PCSK6: variants seen among roughly 807,000 people sequenced by gnomAD.
PCSK6 encodes proprotein convertase subtilisin/kexin type 6, also known as paired basic amino acid cleaving enzyme 4.
Under a neutral mutation model 123.3 loss-of-function variants are expected in PCSK6, and 85 were observed. That is an observed-to-expected ratio of 0.69 (90% CI 0.58 to 0.83). The LOEUF is 0.83. PCSK6 is among the 40% of genes least tolerant of loss of function. The pLI is 0.00. For missense variants in PCSK6, 1,191 were observed against 1,282.3 expected (o/e 0.93, Z 1.09); for synonymous variants, 508 against 516.0 (o/e 0.98, Z 0.21).
chr15:101,378,590 G>A (rs2141492270), intron 11 of PCSK6, among the ~76,000 whole-genome samples: 1 of 152,350 alleles, frequency 6.6e-6, no homozygotes, highest in South Asian at 2.1e-4. Flanking sequence ...GTAAACACCA[G>A]GCAGTAAAGA....
intron 6 of PCSK6, among the ~76,000 whole-genome samples, chr15:101,407,543 A>AG (rs935620171): frequency 3.9e-5 from 6 of 152,276 alleles, no homozygotes; most frequent in Admixed American, 3.9e-4. Context: ...CTCACACACC[A>AG]GGTCACTACT....
At chr15:101,368,070 C>T (rs1244060953) in intron 12 of PCSK6, among the ~76,000 whole-genome samples, 1 of 152,212 alleles carries the variant, frequency 6.6e-6, no homozygotes, top group African/African-American at 2.4e-5. Context: ...CCCACCTTGG[C>T]CCCTCAAAGT....
chr15:101,470,749 C>T (rs372554755), intron 1 of PCSK6, among the ~76,000 whole-genome samples: 1 of 152,162 alleles, frequency 6.6e-6, no homozygotes, highest in African/African-American at 2.4e-5. Context: ...GGAGTCTGAC[C>T]GCTGTGTCTT....
At chr15:101,458,694 A>G (rs1377352668) in intron 1 of PCSK6, among the ~76,000 whole-genome samples, 1 of 151,688 alleles carries the variant, frequency 6.6e-6, no homozygotes, top group Non-Finnish European at 1.5e-5. Flanking sequence ...CCTTCCGAAG[A>G]CTCCCACTCT....
intron 11 of PCSK6, among the ~76,000 whole-genome samples, chr15:101,370,789 A>G (rs1363499459): frequency 2.0e-5 from 3 of 152,218 alleles, no homozygotes; most frequent in Non-Finnish European, 2.9e-5. Flanking sequence ...CACGCCTCTG[A>G]TCCCAGCTCT....
intron 1 of PCSK6, among the ~76,000 whole-genome samples, chr15:101,456,759 G>A (rs2057194322): frequency 6.6e-6 from 1 of 152,220 alleles, no homozygotes; most frequent in South Asian, 2.1e-4. Context: ...TTCGAGGCAA[G>A]ATGGAGCCGG....
intron 13 of PCSK6, chr15:101,346,585 T>G (rs2040735506): frequency 2.7e-6 from 1 of 366,786 alleles, no homozygotes; most frequent in Non-Finnish European, 4.8e-6. Context: ...TCAAACACAC[T>G]TATCTATTCT....
At chr15:101,432,492 G>C (rs563747440) in intron 2 of PCSK6, among the ~76,000 whole-genome samples, 3 of 150,438 alleles carry the variant, frequency 2.0e-5, no homozygotes, top group African/African-American at 7.4e-5. Flanking sequence ...AGCTGGGCAT[G>C]ATGGCGCATG....
At chr15:101,463,503 C>T (rs2057385402) in intron 1 of PCSK6, among the ~76,000 whole-genome samples, 1 of 152,208 alleles carries the variant, frequency 6.6e-6, no homozygotes, top group African/African-American at 2.4e-5. Context: ...TAGTGACCTT[C>T]CTCAAAGTGC....
At chr15:101,344,630 C>T (rs1280743230) in intron 13 of PCSK6, among the ~76,000 whole-genome samples, 1 of 152,110 alleles carries the variant, frequency 6.6e-6, no homozygotes, top group African/African-American at 2.4e-5. Context: ...ATGAAATATA[C>T]CTGGCACTAC....
chr15:101,446,169 C>A (rs1019569133), intron 1 of PCSK6, among the ~76,000 whole-genome samples: 7 of 152,248 alleles, frequency 4.6e-5, no homozygotes, highest in Non-Finnish European at 8.8e-5. Context: ...CGGGGAGGGA[C>A]GCTCCCACTG....
chr15:101,447,812 T>C (rs2056929856), intron 1 of PCSK6, among the ~76,000 whole-genome samples: 1 of 152,240 alleles, frequency 6.6e-6, no homozygotes, highest in Admixed American at 6.5e-5. Flanking sequence ...TCACAGCTCA[T>C]CGACTACGCA....
chr15:101,392,848 C>T (rs1289686934), intron 8 of PCSK6, among the ~76,000 whole-genome samples: 1 of 152,172 alleles, frequency 6.6e-6, no homozygotes, highest in Non-Finnish European at 1.5e-5. Flanking sequence ...CTCTGTTGTA[C>T]ACGCTGGAAC....
intron 13 of PCSK6, among the ~76,000 whole-genome samples, chr15:101,365,340 T>G (rs1022834778): frequency 6.6e-6 from 1 of 152,160 alleles, no homozygotes; most frequent in African/African-American, 2.4e-5. Context: ...ATCAGGCAAT[T>G]GAAGAACCAC....
At chr15:101,475,000 C>T (rs1022695293) in intron 1 of PCSK6, among the ~76,000 whole-genome samples, 3 of 152,194 alleles carry the variant, frequency 2.0e-5, no homozygotes, top group Non-Finnish European at 4.4e-5. Context: ...CAAACACACC[C>T]CCACTTCCCA....
Position 101,489,657 on chromosome 15 carries a change from G to A in PCSK6, c.14C>T (p.Ala5Val). ...CGGCCGGGGCCCGGGCGCAGGCGGC[G>A]CGCGCGGAGGCATAGCGGCGACAGG... MPPRAPPAPGPRPPP... is the reference protein window; with the variant it reads MPPRVPPAPGPRPPP... The change falls in exon 1 of 22, where the codon GCG (alanine) becomes GTG (valine). Residue 5 changes from alanine to valine, a missense_variant. By Grantham distance (64) the Ala-to-Val change is moderately conservative. This residue lies in a region of PCSK6 where 204 missense variants were observed against 166.4 expected (regional missense o/e 1.23). Transcript: ENST00000611716. 1.0e-6 allele frequency: 1 copy of A among 976,902 alleles called. No individual in the cohort carries two copies. Among genetic ancestry groups the A allele is most frequent in the African/African-American group, 1.8e-5 (1 of 56,378 alleles). The allele number at this position is 976,902 out of a possible 1,614,324, so 60.5% of individuals were successfully genotyped here. A position where few individuals can be genotyped will look rare whatever the true frequency, so the allele number is the denominator to read the frequency against.
intron 9 of PCSK6, among the ~76,000 whole-genome samples, chr15:101,389,229 T>TA (rs1326752209): frequency 6.6e-6 from 1 of 152,208 alleles, no homozygotes; most frequent in Non-Finnish European, 1.5e-5. Flanking sequence ...GGGACTCTGT[T>TA]ACGGCAGCCT....
chr15:101,412,712 TAA>T (rs1555456796), intron 6 of PCSK6, among the ~76,000 whole-genome samples: 19 of 136,324 alleles, frequency 1.4e-4, no homozygotes, highest in South Asian at 2.2e-4. Context: ...TATATATATA[TAA>T]AATTACCCAA....
At chr15:101,410,363 A>C (rs927613455) in intron 6 of PCSK6, among the ~76,000 whole-genome samples, 16 of 152,184 alleles carry the variant, frequency 1.1e-4, no homozygotes, top group African/African-American at 3.6e-4. Flanking sequence ...TGCCACCCTG[A>C]AGCAGAAGGG....
Sources: gnomAD v4.1 joint callset for allele counts (sites outside exome capture counted in the v4.1 genomes callset) on GRCh38, gnomAD v4.1.1 for gene constraint, gnomAD v4.1.1 regional missense constraint, MANE v1.5 for transcripts, NCBI Gene and HGNC (gene_info 2026-07-23, HGNC 2026-07-21) for gene names.